Variants in TKT observed in about 807,000 individuals in gnomAD.
The protein encoded by TKT is transketolase.
In TKT, 47 loss-of-function variants were observed where a neutral mutation model predicts 63.9. That is an observed-to-expected ratio of 0.74 (90% CI 0.58 to 0.94). The LOEUF is 0.94. Among genes scored for constraint, TKT ranks in the 40% least tolerant of loss-of-function variants. The probability of loss-of-function intolerance (pLI) is 0.00; values close to 1 mark genes in which losing one functional copy is unlikely to be tolerated. For synonymous variants in TKT, 338 were observed against 334.1 expected (o/e 1.01, Z -0.13); for missense variants, 721 against 846.2 (o/e 0.85, Z 1.84).
chr3:53,227,711 T>G, intron 12 of TKT: 1 of 242,020 alleles, frequency 4.1e-6, no homozygotes, highest in Non-Finnish European at 8.2e-6. Context: ...AAAACAGGCA[T>G]GGTGACAGTG....
intron 8 of TKT, 129 bp downstream of exon 8, chr3:53,230,328 G>A: frequency 1.6e-6 from 2 of 1,250,298 alleles, no homozygotes; most frequent in South Asian, 2.7e-5. Context: ...CTGGGTCCTG[G>A]CTTTTCTTAT....
rs782211506 is a variant in TKT at position 53,225,785 on chromosome 3, CT to C, written c.1842del (p.Ala615LeufsTer2). 1.2e-6 allele frequency: 2 copies of C among 1,613,730 alleles called. No homozygotes were observed. Among genetic ancestry groups the C allele is most frequent in the Non-Finnish European group, 1.7e-6 (2 of 1,179,798 alleles). ...GCCTTGGTGATGAGGCCCCTCACAG[CT>C]TGTGCAATGGCATCCCTGTCGATAC... The part of the protein sequence containing the change: ...MFGIDRDAIA[Q>X]AVRGLITKA On this transcript the variant is annotated frameshift_variant, in exon 14 of 14. Transcript: ENST00000462138. LOFTEE classifies it high-confidence loss of function.
At chr3:53,255,611 G>A (rs1553682158) in intron 1 of TKT, among the ~76,000 whole-genome samples, 1 of 152,174 alleles carries the variant, frequency 6.6e-6, no homozygotes, top group Non-Finnish European at 1.5e-5. Context: ...GAGGACCAGA[G>A]GCCCACGCGG....
At chr3:53,243,231 G>A (rs1559655909) in intron 1 of TKT, among the ~76,000 whole-genome samples, 1 of 152,104 alleles carries the variant, frequency 6.6e-6, no homozygotes. Flanking sequence ...AGGAAGCGCT[G>A]CAGGTCCTGA....
intron 3 of TKT, 45 bp downstream of exon 3, chr3:53,241,087 G>A: frequency 1.3e-6 from 2 of 1,482,068 alleles, no homozygotes; most frequent in East Asian, 5.2e-5. Flanking sequence ...CTGGGAAATA[G>A]GAAGTGGAGG....
chr3:53,233,351 C>A, intron 5 of TKT, 77 bp from the exon 6 acceptor site: 2 of 1,245,032 alleles, frequency 1.6e-6, no homozygotes, highest in Non-Finnish European at 2.2e-6. Context: ...GAAAGGTCTG[C>A]CTTGGCAGCT....
chr3:53,242,581 A>T (rs935007008), intron 1 of TKT, among the ~76,000 whole-genome samples: 1 of 152,194 alleles, frequency 6.6e-6, no homozygotes. Context: ...CAGAAGACTC[A>T]GCCCAAGGCT....
intron 10 of TKT, 67 bp from the exon 11 acceptor site, chr3:53,228,426 T>C: frequency 1.3e-6 from 2 of 1,552,394 alleles, no homozygotes; most frequent in Non-Finnish European, 1.8e-6. Context: ...ACGAGGTCTT[T>C]CTAGAGAGGC....
intron 1 of TKT, among the ~76,000 whole-genome samples, chr3:53,244,878 G>C (rs1356093637): frequency 1.9e-3 from 200 of 105,090 alleles, no homozygotes; most frequent in Non-Finnish European, 3.3e-3. Flanking sequence ...AAGCACACTT[G>C]ACTGTTCAAA....
Position 53,242,169 on chromosome 3 carries a change from G to A in TKT, c.181C>T (p.Gln61Ter). ...TCATTGTGCGGATTCCGGGGGTCCT[G>A]GGACTTGTAGCGCATGGTGTGGAAA... ...LFFHTMRYKSQDPRNPHNDRF... is the reference protein window; with the variant it reads ...LFFHTMRYKS The change falls in exon 2 of 14, where the codon CAG becomes TAG. Residue 61 changes from glutamine to a stop codon, truncating the protein, a stop_gained. Transcript: ENST00000462138. LOFTEE classifies it high-confidence loss of function. 1.9e-6 allele frequency: 3 copies of A among 1,614,166 alleles called. No individual in the cohort carries two copies. Among genetic ancestry groups the A allele is most frequent in the Middle Eastern group, 1.6e-4 (1 of 6,062 alleles).
chr3:53,250,729 G>A (rs140410879), intron 1 of TKT, among the ~76,000 whole-genome samples: 160 of 152,192 alleles, frequency 1.1e-3, no homozygotes, highest in Non-Finnish European at 1.8e-3. Flanking sequence ...CAGAGATCAC[G>A]CCACAGCATT....
Position 53,233,294 on chromosome 3 carries a change from A to G in TKT, c.630-20T>C, listed in dbSNP as rs1704858562. On this transcript the variant is annotated intron_variant, in intron 5 of 13. Transcript: ENST00000462138. The stretch of plus-strand genomic sequence containing the variant: ...TGCCAACTGGGGACAGGGGGCAGAG[A>G]GTAAGGGGCAATTCCCAGGGGCCAC... The G allele has an allele frequency of 1.9e-6, 3 of 1,591,078 alleles. No individual in the cohort carries two copies. Among genetic ancestry groups the G allele is most frequent in the South Asian group, 2.2e-5 (2 of 89,122 alleles).
At chr3:53,250,997 C>T (rs1308613801) in intron 1 of TKT, among the ~76,000 whole-genome samples, 1 of 152,030 alleles carries the variant, frequency 6.6e-6, no homozygotes, top group Admixed American at 6.5e-5. Flanking sequence ...TCCTGAACTC[C>T]CAGGCTCAAG....
Position 53,242,342 on chromosome 3 carries a change from A to G in TKT, c.108-100T>C, listed in dbSNP as rs1046078190. 24 of 1,151,298 alleles carry G rather than the reference A, an allele frequency of 2.1e-5. No individual in the cohort carries two copies. In the Admixed American group the frequency reaches 3.1e-4, roughly 15 times the overall value. 71.3% of individuals were successfully genotyped at this position (1,151,298 alleles called of 1,614,324 possible). A position where few individuals can be genotyped will look rare whatever the true frequency, so the allele number is the denominator to read the frequency against. ...GGACCTGGGGGTGCATGTCCTGAGG[A>G]GTCACACAGGCCTGGCTTATCAGAC... On this transcript the variant is annotated intron_variant, in intron 1 of 13. Coordinates refer to ENST00000462138, the MANE Select transcript of TKT (RefSeq NM_001064.4).
At chr3:53,240,452 C>T (rs1392063142) in intron 3 of TKT, 104 bp from the exon 4 acceptor site, 11 of 1,007,680 alleles carry the variant, frequency 1.1e-5, no homozygotes, top group Non-Finnish European at 1.6e-5. Context: ...CCTTCCTCTG[C>T]AGAAGGTCAG....
chr3:53,246,410 T>C (rs892784742), intron 1 of TKT, among the ~76,000 whole-genome samples: 4 of 152,234 alleles, frequency 2.6e-5, no homozygotes, highest in Admixed American at 2.0e-4. Context: ...AATGGGATAC[T>C]ATACAGCAGT....
chr3:53,247,776 G>A (rs1553681166), intron 1 of TKT, among the ~76,000 whole-genome samples: 1 of 152,012 alleles, frequency 6.6e-6, no homozygotes, highest in African/African-American at 2.4e-5. Context: ...TCTGGCTCCA[G>A]ACCTCAGGTT....
intron 1 of TKT, among the ~76,000 whole-genome samples, chr3:53,247,034 C>T (rs1705537948): frequency 6.6e-6 from 1 of 151,378 alleles, no homozygotes; most frequent in Non-Finnish European, 1.5e-5. Flanking sequence ...GACAAGAGTA[C>T]ATCATTTATC....
chr3:53,232,274 GGCA>G (rs1486111627), intron 6 of TKT: 9 of 398,230 alleles, frequency 2.3e-5, no homozygotes, highest in African/African-American at 1.0e-4. Context: ...GGCAGTGCCA[GGCA>G]GCAGCACCAA....
Sources: gnomAD v4.1 joint callset for allele counts (sites outside exome capture counted in the v4.1 genomes callset) on GRCh38, gnomAD v4.1.1 for gene constraint, MANE v1.5 for transcripts, NCBI Gene and HGNC (gene_info 2026-07-23, HGNC 2026-07-21) for gene names.